Variants in ARHGAP10 observed in about 807,000 individuals in gnomAD.
ARHGAP10 encodes the protein Rho GTPase activating protein 10.
A neutral mutation model predicts 108.6 loss-of-function variants in ARHGAP10; 87 were observed. That is an observed-to-expected ratio of 0.80 (90% CI 0.67 to 0.96). ARHGAP10 has a LOEUF of 0.96. Ranked by LOEUF, ARHGAP10 falls within the 40% of genes least tolerant of loss-of-function variation. The pLI is 0.00. For synonymous variants in ARHGAP10, 347 were observed against 341.1 expected (o/e 1.02, Z -0.19); for missense variants, 939 against 954.5 (o/e 0.98, Z 0.21).
At position 147,815,161 on chromosome 4, in the gene ARHGAP10, C is replaced by G. The variant is rs1442584329; in HGVS notation, c.155-7566C>G. On this transcript the variant is annotated intron_variant, in intron 1 of 22. Transcript: ENST00000336498. ...GACAGGAGCCTCCTAACTTGTCACC[C>G]TGCTGCCGCCCTTGTCCACCTTCAG... Among the ~76,000 whole-genome samples the G allele has an allele frequency of 3.9e-5, 6 of 152,208 alleles. 1 individual carries two copies. The highest frequency in any genetic ancestry group is 1.4e-4 in the African/African-American group (6 of 41,462).
At chr4:148,031,297 G>C (rs957676794) in intron 19 of ARHGAP10, among the ~76,000 whole-genome samples, 1 of 152,134 alleles carries the variant, frequency 6.6e-6, no homozygotes, top group Non-Finnish European at 1.5e-5. Flanking sequence ...AATTCAGAGA[G>C]TAATAACTTT....
intron 1 of ARHGAP10, chr4:147,782,761 T>C (rs1424224731): frequency 2.6e-5 from 4 of 151,296 alleles, no homozygotes; most frequent in Non-Finnish European, 5.9e-5. Context: ...AAAATTTATG[T>C]GTGTAAAGAC....
At chr4:147,952,829 A>G (rs754617393) in intron 15 of ARHGAP10, among the ~76,000 whole-genome samples, 5 of 151,994 alleles carry the variant, frequency 3.3e-5, no homozygotes, top group African/African-American at 4.8e-5. Flanking sequence ...CTTTGCACTT[A>G]TTCAGGGTCA....
intron 1 of ARHGAP10, among the ~76,000 whole-genome samples, chr4:147,773,360 C>T (rs1490073604): frequency 6.6e-6 from 1 of 152,094 alleles, no homozygotes; most frequent in East Asian, 1.9e-4. Context: ...CGGGAAGAGA[C>T]ATTATCTTGT....
At chr4:147,840,114 G>A (rs1002775249) in intron 3 of ARHGAP10, among the ~76,000 whole-genome samples, 1 of 152,126 alleles carries the variant, frequency 6.6e-6, no homozygotes, top group East Asian at 1.9e-4. Context: ...GCAGGCATGT[G>A]TGAGAGGGTA....
intron 13 of ARHGAP10, among the ~76,000 whole-genome samples, chr4:147,930,765 C>G (rs904792739): frequency 2.6e-5 from 4 of 152,132 alleles, no homozygotes; most frequent in South Asian, 2.1e-4. Context: ...TCTAATGGTA[C>G]TTTGTTTTCA....
At chr4:147,952,918 G>A (rs189501942) in intron 15 of ARHGAP10, among the ~76,000 whole-genome samples, 26 of 152,006 alleles carry the variant, frequency 1.7e-4, no homozygotes, top group African/African-American at 5.8e-4. Flanking sequence ...TCCATTTTGA[G>A]TTAATTTTTA....
chr4:147,892,343 A>G (rs184621735), intron 10 of ARHGAP10, among the ~76,000 whole-genome samples: 1 of 152,328 alleles, frequency 6.6e-6, no homozygotes, highest in East Asian at 1.9e-4. Context: ...ATGCAATTTG[A>G]CTGAATATGA....
At chr4:148,067,113 G>A (rs919656045) in intron 22 of ARHGAP10, among the ~76,000 whole-genome samples, 1 of 152,240 alleles carries the variant, frequency 6.6e-6, no homozygotes, top group Non-Finnish European at 1.5e-5. Flanking sequence ...CCTACCCAGG[G>A]ATGTGAGCGT....
At chr4:147,809,112 A>C (rs1457057802) in intron 1 of ARHGAP10, 3 of 152,522 alleles carry the variant, frequency 2.0e-5, no homozygotes, top group African/African-American at 7.2e-5. Context: ...CAGGTCAGAA[A>C]TGGAGCAGGT....
intron 3 of ARHGAP10, among the ~76,000 whole-genome samples, chr4:147,843,713 C>G (rs1579107743): frequency 1.3e-5 from 2 of 152,176 alleles, no homozygotes; most frequent in African/African-American, 4.8e-5. Flanking sequence ...GACAAGGTTT[C>G]TCCATGTTGG....
At chr4:147,807,130 G>A (rs1323276038) in intron 1 of ARHGAP10, among the ~76,000 whole-genome samples, 2 of 152,146 alleles carry the variant, frequency 1.3e-5, no homozygotes, top group African/African-American at 4.8e-5. Context: ...GAGAGACCTG[G>A]CTTTGATTCT....
chr4:148,029,997 C>CA (rs1004694448), intron 19 of ARHGAP10, among the ~76,000 whole-genome samples: 7 of 151,366 alleles, frequency 4.6e-5, no homozygotes, highest in Non-Finnish European at 7.4e-5. Context: ...CTCAGCATCC[C>CA]CCCCCCCACC....
intron 19 of ARHGAP10, among the ~76,000 whole-genome samples, chr4:148,043,652 T>TATATATATATATATA (rs1728740400): frequency 3.6e-5 from 4 of 111,660 alleles, no homozygotes; most frequent in Non-Finnish European, 5.7e-5. Flanking sequence ...TATATATATA[T>TATATATATATATATA]TTTAGGTGTA....
At chr4:147,897,271 T>C (rs1240307472) in intron 10 of ARHGAP10, among the ~76,000 whole-genome samples, 1 of 151,546 alleles carries the variant, frequency 6.6e-6, no homozygotes, top group African/African-American at 2.4e-5. Flanking sequence ...TTTATTATTA[T>C]TACTATTTTT....
chr4:148,003,391 G>T (rs1007852895), intron 18 of ARHGAP10, among the ~76,000 whole-genome samples: 5 of 152,194 alleles, frequency 3.3e-5, no homozygotes, highest in African/African-American at 7.2e-5. Context: ...TTTATATTCT[G>T]TCGATTTGGG....
chr4:147,818,356 G>A (rs1579079536), intron 1 of ARHGAP10, among the ~76,000 whole-genome samples: 1 of 151,816 alleles, frequency 6.6e-6, no homozygotes, highest in Non-Finnish European at 1.5e-5. Flanking sequence ...ACCTGAGGTC[G>A]GGAGTTCAAG....
At chr4:147,955,732 T>C (rs1230657373) in intron 16 of ARHGAP10, among the ~76,000 whole-genome samples, 1 of 152,110 alleles carries the variant, frequency 6.6e-6, no homozygotes, top group Non-Finnish European at 1.5e-5. Context: ...CAGAAGTATT[T>C]AATTTGCGAA....
At chr4:147,967,350 C>G (rs1270385181) in intron 18 of ARHGAP10, among the ~76,000 whole-genome samples, 2 of 152,186 alleles carry the variant, frequency 1.3e-5, no homozygotes, top group African/African-American at 4.8e-5. Flanking sequence ...GCCTGCCTTG[C>G]AAAGAGTCTT....
Sources: gnomAD v4.1 joint callset for allele counts (sites outside exome capture counted in the v4.1 genomes callset) on GRCh38, gnomAD v4.1.1 for gene constraint, MANE v1.5 for transcripts, NCBI Gene and HGNC (gene_info 2026-07-23, HGNC 2026-07-21) for gene names.